MYBPC3: variants seen among roughly 807,000 people sequenced by gnomAD.
MYBPC3 encodes the protein myosin-binding protein C, cardiac-type.
In MYBPC3, 108 loss-of-function variants were observed where a neutral mutation model predicts 159.3. That is an observed-to-expected ratio of 0.68 (90% CI 0.58 to 0.80). The LOEUF is 0.80. MYBPC3 is among the 30% of genes least tolerant of loss of function. MYBPC3 has a pLI of 0.00. For missense variants in MYBPC3, 1,631 were observed against 1,762.1 expected, an observed-to-expected ratio of 0.93 and a Z score of 1.33; for synonymous variants, 730 against 702.0, an observed-to-expected ratio of 1.04 and a Z score of -0.63.
chr11:47,348,373 C>A, intron 6 of MYBPC3, 51 bp downstream of exon 6: 1 of 1,373,930 alleles, frequency 7.3e-7, no homozygotes. Flanking sequence ...AGGTAGGAGA[C>A]CAGGACCCAT....
intron 5 of MYBPC3, 63 bp from the exon 6 acceptor site, chr11:47,348,604 C>A: frequency 1.5e-6 from 2 of 1,341,362 alleles, no homozygotes; most frequent in Non-Finnish European, 2.1e-6. Context: ...GGCTCCGCAC[C>A]CTTAAAGGAG....
intron 26 of MYBPC3, 126 bp from the exon 27 acceptor site, chr11:47,335,335 A>G (rs2095881256): frequency 1.3e-5 from 11 of 872,000 alleles, no homozygotes; most frequent in South Asian, 6.3e-5. Context: ...TTATTTGTTT[A>G]TTTATTTTTG....
chr11:47,350,163 A>G lies in MYBPC3; in HGVS notation c.407-51T>C, dbSNP rs775309421. 1,473 of 1,523,982 alleles carry G rather than the reference A, an allele frequency of 9.7e-4. 1 individual carries two copies. The highest frequency in any genetic ancestry group is 9.6e-4 in the Non-Finnish European group (1,083 of 1,124,722). 94.4% of individuals were successfully genotyped at this position (1,523,982 alleles called of 1,614,324 possible). ...GTTTGAGATGGAGTCTTGCTCTGTC[A>G]CCCAGGCTGGAGTGCAGAGGCACAA... On this transcript the variant is annotated intron_variant, in intron 3 of 34. Coordinates refer to ENST00000545968, the MANE Select transcript of MYBPC3 (RefSeq NM_000256.3).
At chr11:47,347,988 G>T in intron 6 of MYBPC3, 83 bp from the exon 7 acceptor site, 1 of 1,329,928 alleles carries the variant, frequency 7.5e-7, no homozygotes, top group Non-Finnish European at 1.1e-6. Context: ...CGGCCTCTGA[G>T]TATTCACAGA....
At chr11:47,339,888 G>A in intron 20 of MYBPC3, 98 bp from the exon 21 acceptor site, 1 of 1,362,776 alleles carries the variant, frequency 7.3e-7, no homozygotes. Context: ...CCTGGTTATT[G>A]GTTTTTTAGA....
At chr11:47,333,803 C>A in intron 28 of MYBPC3, 51 bp from the exon 29 acceptor site, 2 of 1,552,026 alleles carry the variant, frequency 1.3e-6, no homozygotes, top group Non-Finnish European at 1.7e-6. Flanking sequence ...CAAGGGCCGG[C>A]CGCCACCCCA....
chr11:47,332,843 G>A lies in MYBPC3; in HGVS notation c.3461C>T (p.Thr1154Ile), dbSNP rs779279057. ...TCTGGGGATAAAGACGGGCTCCTTG[G>A]TGGTGGCCGCTCTGTCACTAAAGCC... ...MVGFSDRAATTKEPVFIPRPG... is the reference protein window; with the variant it reads ...MVGFSDRAATIKEPVFIPRPG... The change falls in exon 31 of 35, where the codon ACC becomes ATC. Residue 1154 changes from threonine to isoleucine, a missense_variant. By Grantham distance (89) the Thr-to-Ile change is moderately conservative. Coordinates refer to ENST00000545968, the MANE Select transcript of MYBPC3 (RefSeq NM_000256.3). This position sits in a 1 kb window ranked among gnomAD's most constrained non-coding sequence, Gnocchi z 4.2. 6.2e-7 allele frequency: 1 copy of A among 1,607,580 alleles called. No individual in the cohort carries two copies.
chr11:47,337,155 T>C (rs946994822), intron 25 of MYBPC3, among the ~76,000 whole-genome samples: 5 of 152,056 alleles, frequency 3.3e-5, no homozygotes, highest in African/African-American at 1.2e-4. Context: ...GAACTAGGGG[T>C]CGGCGTAGTG....
At position 47,351,030 on chromosome 11, in the gene MYBPC3, C is replaced by A. The variant is rs565886540; in HGVS notation, c.292+209G>T. On this transcript the variant is annotated intron_variant, in intron 2 of 34. Transcript: ENST00000545968. This position sits in a 1 kb window ranked among gnomAD's most constrained non-coding sequence, Gnocchi z 4.2. ...TCTTGTTCATCTCTCCCACCTACCC[C>A]ATGGCTGGAACAAGCCAGGATGGCA... 7.2e-5 allele frequency among the ~76,000 whole-genome samples: 11 copies of A among 152,300 alleles called. 1 individual carries two copies. In the East Asian group the frequency reaches 1.7e-3, roughly 24 times the overall value.
rs950596764 is a variant in MYBPC3, at chr11:47,349,190, C to A, written c.654+584G>T. On this transcript the variant is annotated intron_variant, in intron 5 of 34. Transcript: ENST00000545968. ...GGGAAAAGCAGAGGCTTGGAGTGAA[C>A]AAACAAGGGGACTTAAGCCTTAAGG... Among the ~76,000 whole-genome samples the A allele has an allele frequency of 2.0e-5, 3 of 151,568 alleles. 1 individual carries two copies. Among genetic ancestry groups the A allele is most frequent in the Admixed American group, 2.0e-4 (3 of 15,218 alleles).
In MYBPC3 at chr11:47,331,735, T is replaced by TA. The variant is rs1439868033; in HGVS notation, c.*27-20dup. On this transcript the variant is annotated intron_variant, in intron 34 of 34. Transcript: ENST00000545968. ...GTTGTACCTGCAACACAGGTTATCTTACGAGTGAATGGAGGGCCCCTACAG... is the reference window on the plus strand; with the variant it reads ...GTTGTACCTGCAACACAGGTTATCTTAACGAGTGAATGGAGGGCCCCTACAG... 2.6e-6 allele frequency: 3 copies of TA among 1,155,596 alleles called. No homozygotes were observed. Among genetic ancestry groups the TA allele is most frequent in the Non-Finnish European group, 3.6e-6 (3 of 827,812 alleles). 71.6% of individuals were successfully genotyped at this position (1,155,596 alleles called of 1,614,324 possible).
chr11:47,351,504 G>T lies in MYBPC3; in HGVS notation c.27C>A (p.Val9=), dbSNP rs746076911. ...ACCGTGGCTTCTTGCTAAAAGCTGA[G>T]ACTGAAGGGCCAGGTGGAGGCTACA... The part of the protein sequence containing the change: MPEPGKKP[V]SAFSKKPRSV... Residue 9 remains valine (V), a splice_region_variant and synonymous_variant, in exon 2 of 35, where the codon GTC becomes GTA. Coordinates refer to ENST00000545968, the MANE Select transcript of MYBPC3 (RefSeq NM_000256.3). The surrounding 1 kb of genome is among the most constrained non-coding windows in gnomAD (Gnocchi z 4.2). 6.3e-7 allele frequency: 1 copy of T among 1,583,458 alleles called. No individual in the cohort carries two copies. The highest frequency in any genetic ancestry group is 1.7e-5 in the Admixed American group (1 of 58,678).
Position 47,335,159 on chromosome 11 carries a change from G to C in MYBPC3, c.2788C>G (p.Leu930Val), listed in dbSNP as rs1399854518. The C allele has an allele frequency of 1.7e-5, 28 of 1,612,884 alleles. No homozygotes were observed. The highest frequency in any genetic ancestry group is 2.3e-5 in the Non-Finnish European group (27 of 1,179,382). ...GCCCCCGTGGGCAGGTCCTTCACCA[G>C]TATCGATGTGTGCTCTGTCAGCCCC... is the stretch of plus-strand genomic sequence containing the variant. ...LQGLTEHTSI[L>V]VKDLPTGARL... The change falls in exon 27 of 35, where the codon CTG (leucine) becomes GTG (valine). Residue 930 changes from leucine (L) to valine (V), a missense_variant. Leu to Val is a conservative substitution (Grantham distance 32). Transcript: ENST00000545968.
Position 47,333,293 on chromosome 11 carries a change from G to C in MYBPC3, c.3231C>G (p.Ala1077=), listed in dbSNP as rs1362951992. 2.5e-6 allele frequency: 4 copies of C among 1,591,046 alleles called. No homozygotes were observed. Among genetic ancestry groups the C allele is most frequent in the Admixed American group, 3.5e-5 (2 of 56,726 alleles). ...SPPQDLRVTD[A]WGLNVALEWK... is the part of the protein sequence containing the mutation. The stretch of plus-strand genomic sequence containing the variant: ...ACTCCAGAGCCACATTAAGACCCCA[G>C]GCGTCAGTCACCCGGAGATCCTGGG... The change falls in exon 30 of 35, where the codon GCC becomes GCG. Residue 1077 remains alanine, a synonymous_variant. Coordinates refer to ENST00000545968, the MANE Select transcript of MYBPC3 (RefSeq NM_000256.3).
At chr11:47,334,104 T>C in intron 27 of MYBPC3, 94 bp from the exon 28 acceptor site, 1 of 1,275,888 alleles carries the variant, frequency 7.8e-7, no homozygotes, top group Non-Finnish European at 1.1e-6. Flanking sequence ...CCCAGAGAGC[T>C]GCAGCTAAGA....
Position 47,332,132 on chromosome 11 carries a change from CAT to C in MYBPC3, c.3752_3753del (p.Tyr1251CysfsTer14), listed in dbSNP as rs2095877711. ...RKPCPFDGGI[Y>X]VCRATNLQGE... ...CCCTGTAAGTTGGTGGCCCTGCAGACATAGATGCCCCCGTCAAAGGGGCAGGG... is the reference window on the plus strand; with the variant it reads ...CCCTGTAAGTTGGTGGCCCTGCAGACAGATGCCCCCGTCAAAGGGGCAGGG... On this transcript the variant is annotated frameshift_variant, in exon 33 of 35. Coordinates refer to ENST00000545968, the MANE Select transcript of MYBPC3 (RefSeq NM_000256.3). LOFTEE classifies it high-confidence loss of function. The surrounding 1 kb of genome is among the most constrained non-coding windows in gnomAD (Gnocchi z 4.2). 6.2e-7 allele frequency: 1 copy of C among 1,613,698 alleles called. No individual in the cohort carries two copies. Among genetic ancestry groups the C allele is most frequent in the Non-Finnish European group, 8.5e-7 (1 of 1,179,884 alleles).
Position 47,337,567 on chromosome 11 carries a change from T to C in MYBPC3, c.2426A>G (p.Glu809Gly), listed in dbSNP as rs766382260. 1.9e-6 allele frequency: 3 copies of C among 1,613,998 alleles called. No homozygotes were observed. Among genetic ancestry groups the C allele is most frequent in the Non-Finnish European group, 1.7e-6 (2 of 1,179,892 alleles). Reference sequence around the variant, plus strand: ...CCGGTAGCTCTTCTTCTTCTTGCGCTCCAGGATGTAGCCTGGCTCAGGGGA... The same window carrying C: ...CCGGTAGCTCTTCTTCTTCTTGCGCCCCAGGATGTAGCCTGGCTCAGGGGA... ...GGQPILGYIL[E>G]RKKKKSYRWM... is the part of the protein sequence containing the mutation. The change falls in exon 25 of 35, where the codon GAG becomes GGG. Residue 809 changes from glutamate (E) to glycine (G), a missense_variant. Transcript: ENST00000545968.
rs730880548 is a variant in MYBPC3, at chr11:47,342,598, A to G, written c.1604T>C (p.Leu535Pro). 4.4e-6 allele frequency: 7 copies of G among 1,608,980 alleles called. No individual in the cohort carries two copies. The African/African-American group carries it at 9.3e-5, about 21-fold the overall frequency. The change falls in exon 17 of 35, where the codon CTG (leucine) becomes CCG (proline). Residue 535 changes from leucine to proline, a missense_variant. Physicochemically the swap from Leu to Pro is moderately conservative, Grantham distance 98. Transcript: ENST00000545968. ...YALCTSGGQA[L>P]AELIVQEKKL... ...CTCACCCTGCACAATGAGCTCAGCC[A>G]GCGCCTGGCCCCCGCTAGTGCACAG...
intron 3 of MYBPC3, 22 bp from the exon 4 acceptor site, chr11:47,350,134 G>A: frequency 6.5e-7 from 1 of 1,548,038 alleles, no homozygotes; most frequent in Non-Finnish European, 8.7e-7. Context: ...GGCTTTTTCT[G>A]TTTGTTTGAG....
Sources: gnomAD v4.1 joint callset for allele counts (sites outside exome capture counted in the v4.1 genomes callset) on GRCh38, gnomAD v4.1.1 for gene constraint, Gnocchi (gnomAD v3.1) non-coding constraint, MANE v1.5 for transcripts, NCBI Gene and HGNC (gene_info 2026-07-23, HGNC 2026-07-21) for gene names.